The following IQANK1 variants were observed in gnomAD, a reference collection of about 807,000 sequenced individuals.
IQANK1 encodes IQ motif and ankyrin repeat containing 1.
IQANK1 carries 30 observed loss-of-function variants against 22.6 expected under a neutral mutation model. That is an observed-to-expected ratio of 1.33 (90% CI 0.99 to 1.80). The LOEUF is 1.80. IQANK1 is among the 40% of genes most tolerant of loss of function. The probability of loss-of-function intolerance (pLI) is 0.00; values close to 1 mark genes in which losing one functional copy is unlikely to be tolerated. For synonymous variants in IQANK1, 122 were observed against 99.6 expected, an observed-to-expected ratio of 1.23 and a Z score of -1.34; for missense variants, 275 against 235.2, an observed-to-expected ratio of 1.17 and a Z score of -1.11.
At chr8:143,760,144 C>T (rs1819368349) in intron 3 of IQANK1, among the ~76,000 whole-genome samples, 1 of 152,190 alleles carries the variant, frequency 6.6e-6, no homozygotes, top group East Asian at 1.9e-4. Context: ...TTGTCTGGAG[C>T]ACCCCACTGA....
chr8:143,746,403 G>A (rs1004338816), intron 3 of IQANK1: 1 of 152,170 alleles, frequency 6.6e-6, no homozygotes, highest in African/African-American at 2.4e-5. Context: ...TTGAGCAGGG[G>A]ACAGGGGCAC....
At chr8:143,769,428 C>A (rs1819533588) in intron 3 of IQANK1, among the ~76,000 whole-genome samples, 2 of 152,152 alleles carry the variant, frequency 1.3e-5, no homozygotes, top group Admixed American at 6.6e-5. Context: ...AACTCCTGGG[C>A]TCAAGCAATC....
intron 3 of IQANK1, among the ~76,000 whole-genome samples, chr8:143,740,302 C>T (rs1264924681): frequency 6.6e-6 from 1 of 152,102 alleles, no homozygotes; most frequent in Non-Finnish European, 1.5e-5. Context: ...CCGCCCCGCG[C>T]GCGCCGCCCT....
intron 7 of IQANK1, among the ~76,000 whole-genome samples, chr8:143,777,860 A>G (rs1554630588): frequency 6.6e-6 from 1 of 152,164 alleles, no homozygotes; most frequent in Non-Finnish European, 1.5e-5. Flanking sequence ...CACCATATAA[A>G]TAATCTCATT....
At chr8:143,747,302 C>T (rs1554627331) in intron 3 of IQANK1, among the ~76,000 whole-genome samples, 1 of 152,074 alleles carries the variant, frequency 6.6e-6, no homozygotes, top group Non-Finnish European at 1.5e-5. Flanking sequence ...TTTTGTTGAT[C>T]CTTCCAAAGA....
intron 3 of IQANK1, among the ~76,000 whole-genome samples, chr8:143,749,432 C>T (rs1438583111): frequency 1.6e-5 from 2 of 127,570 alleles, no homozygotes; most frequent in Admixed American, 8.5e-5. Context: ...ACATATATCT[C>T]ATATATAATT....
chr8:143,748,830 T>TCATATATAAATATATATA (rs1554627615), intron 3 of IQANK1, among the ~76,000 whole-genome samples: 3 of 84,004 alleles, frequency 3.6e-5, no homozygotes, highest in Non-Finnish European at 6.3e-5. Flanking sequence ...AAATATATAT[T>TCATATATAAATATATATA]TCATATATAA....
intron 2 of IQANK1, 106 bp downstream of exon 2, chr8:143,736,044 C>A: frequency 1.5e-6 from 1 of 652,504 alleles, no homozygotes; most frequent in South Asian, 1.6e-5. Flanking sequence ...GCCCTTCTTC[C>A]AAGAGTGGCT....
intron 3 of IQANK1, among the ~76,000 whole-genome samples, chr8:143,750,489 C>G (rs1819167981): frequency 6.6e-6 from 1 of 152,068 alleles, no homozygotes; most frequent in African/African-American, 2.4e-5. Context: ...TTCATCCTGC[C>G]AATCTCTGTC....
chr8:143,736,530 G>A (rs1188322188), intron 2 of IQANK1, among the ~76,000 whole-genome samples: 2 of 152,122 alleles, frequency 1.3e-5, no homozygotes, highest in African/African-American at 2.4e-5. Context: ...ATGGAGGTGG[G>A]AAGGGGGCAG....
At chr8:143,785,813 A>T (rs1587495345) in intron 7 of IQANK1, among the ~76,000 whole-genome samples, 1 of 145,292 alleles carries the variant, frequency 6.9e-6, no homozygotes. Context: ...TGCAACCTCC[A>T]CCTCCCAGAT....
At position 143,790,617 on chromosome 8, in the gene IQANK1, CCA is replaced by C. The variant is rs1163875128; in HGVS notation, c.*10_*11del. 1.0e-5 allele frequency: 4 copies of C among 398,658 alleles called. No homozygotes were observed. Among genetic ancestry groups the C allele is most frequent in the South Asian group, 1.3e-4 (1 of 7,838 alleles). The allele number at this position is 398,658 out of a possible 1,614,324, so 24.7% of individuals were successfully genotyped here. ...CAGGCACAGGCCTCTAGTGCTGGCC[CCA>C]GTCCCAATAAAACGTGTGCCCCGGG... On this transcript the variant is annotated 3_prime_UTR_variant, in exon 14 of 14. Transcript: ENST00000527139.
rs781980396 is a variant in IQANK1 at position 143,757,339 on chromosome 8, C to CT, written c.176-14134dup. ...AGTGTAAGGTACATAATGTGTCTTT[C>CT]TTTTTTTTTTTTTTTGAGACGGAGT... On this transcript the variant is annotated intron_variant, in intron 3 of 13. Transcript: ENST00000527139. Among the ~76,000 whole-genome samples, 486 of 143,246 alleles carry CT rather than the reference C, an allele frequency of 3.4e-3. 1 individual carries two copies. Among genetic ancestry groups the CT allele is most frequent in the Middle Eastern group, 0.014 (4 of 276 alleles). The allele number at this position is 143,246 out of a possible 152,430, so 94.0% of individuals were successfully genotyped here.
rs1819957246 is a variant in IQANK1 at position 143,789,127 on chromosome 8, G to A, written c.939-62G>A. On this transcript the variant is annotated intron_variant, in intron 8 of 13. Coordinates refer to ENST00000527139, the MANE Select transcript of IQANK1 (RefSeq NM_001381874.1). ...CAAGGGGCGCTGGCAGGGAGCCCGG[G>A]CAGGGGGTGCTGGTGGGGGCGCTGG... 5 of 401,894 alleles carry A rather than the reference G, an allele frequency of 1.2e-5. No homozygotes were observed. In the East Asian group the frequency reaches 1.4e-4, roughly 11 times the overall value. 24.9% of individuals were successfully genotyped at this position (401,894 alleles called of 1,614,324 possible). A position where few individuals can be genotyped will look rare whatever the true frequency, so the allele number is the denominator to read the frequency against.
At position 143,787,381 on chromosome 8, in the gene IQANK1, T is replaced by C. The variant is rs80211121; in HGVS notation, c.790-1534T>C. Among the ~76,000 whole-genome samples the C allele has an allele frequency of 5.4e-4, 82 of 152,268 alleles. No homozygotes were observed. In the East Asian group the frequency reaches 0.012, roughly 22 times the overall value. ...GAGGTGAGTTTACCACGTGTCTGCA[T>C]GTCCCTGGCCCCCCACAGACCTGCA... is the stretch of plus-strand genomic sequence containing the variant. On this transcript the variant is annotated intron_variant, in intron 7 of 13. Coordinates refer to ENST00000527139, the MANE Select transcript of IQANK1 (RefSeq NM_001381874.1).
At chr8:143,763,786 A>T (rs886548681) in intron 3 of IQANK1, among the ~76,000 whole-genome samples, 2 of 152,236 alleles carry the variant, frequency 1.3e-5, no homozygotes, top group Admixed American at 1.3e-4. Context: ...ACCCAGTCTC[A>T]GGTGTTCCTC....
chr8:143,765,758 T>A (rs1389682943), intron 3 of IQANK1, among the ~76,000 whole-genome samples: 3 of 152,272 alleles, frequency 2.0e-5, no homozygotes, highest in African/African-American at 7.2e-5. Context: ...GTACATATTT[T>A]AAAAGTCATC....
intron 3 of IQANK1, chr8:143,760,527 AAATT>A (rs2129871603): frequency 6.6e-6 from 1 of 151,030 alleles, no homozygotes; most frequent in East Asian, 1.9e-4. Context: ...AAAAAAAAAA[AAATT>A]AGCCAGGCGT....
intron 3 of IQANK1, among the ~76,000 whole-genome samples, chr8:143,748,552 A>G (rs1819081708): frequency 7.4e-6 from 1 of 135,250 alleles, no homozygotes; most frequent in African/African-American, 2.8e-5. Flanking sequence ...ATATATAAAT[A>G]TAGATATATA....
Sources: allele counts gnomAD v4.1 joint callset (sites outside exome capture counted in the v4.1 genomes callset), GRCh38; gene constraint gnomAD v4.1.1; transcripts MANE v1.5; gene names NCBI Gene and HGNC (gene_info 2026-07-23, HGNC 2026-07-21).